Variants in PRMT2 observed in about 807,000 individuals in gnomAD.
PRMT2 encodes protein arginine methyltransferase 2, also known as protein arginine N-methyltransferase 2.
A neutral mutation model predicts 57.6 loss-of-function variants in PRMT2; 26 were observed. That is an observed-to-expected ratio of 0.45 (90% CI 0.33 to 0.63). PRMT2 has a LOEUF of 0.63. PRMT2 is among the 20% of genes least tolerant of loss of function. The pLI, the probability that PRMT2 is intolerant of heterozygous loss-of-function variation, is 0.02. For missense variants in PRMT2, 472 were observed against 564.4 expected (o/e 0.84, Z 1.66); for synonymous variants, 219 against 220.0 (o/e 1.00, Z 0.04).
At chr21:46,655,624 A>G (rs7275592) in intron 7 of PRMT2, among the ~76,000 whole-genome samples, 113,688 of 152,094 alleles carry the variant, frequency 0.75, 42,690 homozygotes, top group East Asian at 0.9. Context: ...TAAAACTAGT[A>G]AGTGAGTTTA....
rs1394618424 is a variant in PRMT2, at chr21:46,648,100, G to A, written c.328-358G>A. Among the ~76,000 whole-genome samples, 1 of 152,100 alleles carries A rather than the reference G, an allele frequency of 6.6e-6. No individual in the cohort carries two copies. Among genetic ancestry groups the A allele is most frequent in the Non-Finnish European group, 1.5e-5 (1 of 68,016 alleles). ...GAATGTTTATGTTAATTTTGGGAGAGCTGACATCTTTATAACATTGACTCT... is the reference window on the plus strand; with the variant it reads ...GAATGTTTATGTTAATTTTGGGAGAACTGACATCTTTATAACATTGACTCT... On this transcript the variant is annotated intron_variant, in intron 5 of 11. Coordinates refer to ENST00000355680, the MANE Select transcript of PRMT2 (RefSeq NM_206962.4). The surrounding 1 kb of genome is among the most constrained non-coding windows in gnomAD (Gnocchi z 4.8).
At chr21:46,660,127 A>G in intron 8 of PRMT2, 1 of 972,788 alleles carries the variant, frequency 1.0e-6, no homozygotes. Flanking sequence ...TTATTAAAAC[A>G]TTCACTTTTA....
chr21:46,637,686 T>C, intron 3 of PRMT2, among the ~76,000 whole-genome samples: 1 of 152,180 alleles, frequency 6.6e-6, no homozygotes, highest in Non-Finnish European at 1.5e-5. Flanking sequence ...TTAACAAATA[T>C]TAGGACATTT....
intron 3 of PRMT2, 122 bp from the exon 4 acceptor site, chr21:46,643,413 A>G (rs2061311806): frequency 7.5e-7 from 1 of 1,327,592 alleles, no homozygotes; most frequent in South Asian, 2.3e-5. Context: ...AATAGTTTGT[A>G]TAATAAATAC....
chr21:46,637,814 A>G (rs977089485), intron 3 of PRMT2, among the ~76,000 whole-genome samples: 2 of 152,222 alleles, frequency 1.3e-5, no homozygotes, highest in East Asian at 3.9e-4. Flanking sequence ...TATGTAAAAA[A>G]TACTGTCGGG....
intron 7 of PRMT2, chr21:46,651,906 C>G: frequency 3.1e-6 from 5 of 1,613,118 alleles, no homozygotes; most frequent in Non-Finnish European, 4.2e-6. Flanking sequence ...TGCACCTGTG[C>G]GTCTGTCCCT....
Position 46,664,373 on chromosome 21 carries a change from G to A in PRMT2, c.*46G>A. On this transcript the variant is annotated 3_prime_UTR_variant, in exon 12 of 12. Coordinates refer to ENST00000355680, the MANE Select transcript of PRMT2 (RefSeq NM_206962.4). ...AAGCAGTGTGCATATCTTGAGGGGT[G>A]ATGAACACAAGCAAACCAAGTTGCA... 1 of 1,613,560 alleles carries A rather than the reference G, an allele frequency of 6.2e-7. No individual in the cohort carries two copies. The highest frequency in any genetic ancestry group is 1.7e-5 in the Admixed American group (1 of 60,026).
chr21:46,648,379 C>T lies in PRMT2; in HGVS notation c.328-79C>T. ...TGGGGTCAGGGGTCATCAGCTGTGG[C>T]TCTGACCCTCCATCTCAGTCCAGAC... On this transcript the variant is annotated intron_variant, in intron 5 of 11. Transcript: ENST00000355680. This position sits in a 1 kb window ranked among gnomAD's most constrained non-coding sequence, Gnocchi z 4.8. 1 of 1,500,426 alleles carries T rather than the reference C, an allele frequency of 6.7e-7. No homozygotes were observed. The highest frequency in any genetic ancestry group is 1.2e-5 in the South Asian group (1 of 81,864). The allele number at this position is 1,500,426 out of a possible 1,614,324, so 92.9% of individuals were successfully genotyped here. A position where few individuals can be genotyped will look rare whatever the true frequency, so the allele number is the denominator to read the frequency against.
At chr21:46,650,017 A>G in intron 7 of PRMT2, 1 of 1,382,384 alleles carries the variant, frequency 7.2e-7, no homozygotes, top group Admixed American at 2.9e-5. Flanking sequence ...ATCTGTAAAA[A>G]TCCTGTGCCT....
intron 4 of PRMT2, among the ~76,000 whole-genome samples, chr21:46,643,850 G>A (rs2061322099): frequency 6.6e-6 from 1 of 152,224 alleles, no homozygotes; most frequent in Admixed American, 6.5e-5. Flanking sequence ...CCCTCAGCCA[G>A]GGGCAGAAGC....
chr21:46,657,998 A>ATTT lies in PRMT2; in HGVS notation c.655-747_655-746insTTT, dbSNP rs2061565118. On this transcript the variant is annotated intron_variant, in intron 7 of 11. Coordinates refer to ENST00000355680, the MANE Select transcript of PRMT2 (RefSeq NM_206962.4). ...CAAAACATGTATTACTTCTGTAATAAAAGCAGCTTGAGATTATTTAAGGAA... is the reference window on the plus strand; with the variant it reads ...CAAAACATGTATTACTTCTGTAATAATTTAAGCAGCTTGAGATTATTTAAGGAA... 7.9e-5 allele frequency: 12 copies of ATTT among 152,340 alleles called. No homozygotes were observed. In the East Asian group the frequency reaches 1.2e-3, roughly 15 times the overall value. The allele number at this position is 152,340 out of a possible 1,614,324, so 9.4% of individuals were successfully genotyped here. A position where few individuals can be genotyped will look rare whatever the true frequency, so the allele number is the denominator to read the frequency against.
chr21:46,655,906 C>T (rs1472582410), intron 7 of PRMT2, among the ~76,000 whole-genome samples: 1 of 152,070 alleles, frequency 6.6e-6, no homozygotes. Context: ...CAATTAGAAT[C>T]CAAGCAGGAT....
intron 7 of PRMT2, chr21:46,653,091 A>C (rs1172971851): frequency 9.6e-7 from 1 of 1,043,860 alleles, no homozygotes; most frequent in Non-Finnish European, 1.2e-6. Context: ...AGGACATATT[A>C]TATTCCGTTA....
At chr21:46,653,721 A>G in intron 7 of PRMT2, 1 of 1,243,996 alleles carries the variant, frequency 8.0e-7, no homozygotes, top group Non-Finnish European at 1.0e-6. Context: ...ACACGCACAC[A>G]CACAAAACCA....
At chr21:46,635,953 A>ACCCTTCCCTGCGTGCCGCAC (rs1207555837) in intron 1 of PRMT2, 190 bp downstream of exon 1, 2 of 151,010 alleles carry the variant, frequency 1.3e-5, no homozygotes, top group Admixed American at 6.6e-5. Context: ...TCCCCGTCAC[A>ACCCTTCCCTGCGTGCCGCAC]CCCTTCCCTG....
rs144072162 is a variant in PRMT2, at chr21:46,653,279, A to G, written c.654+3540A>G. On this transcript the variant is annotated intron_variant, in intron 7 of 11. Transcript: ENST00000355680. ...ATTATCACAAATCCTGAGCTTAACG[A>G]AAGTCTTTATAAGTCAGCTCATGAA... The G allele has an allele frequency of 3.0e-6, 3 of 985,418 alleles. No individual in the cohort carries two copies. The African/African-American group carries it at 5.2e-5, about 17-fold the overall frequency. 61.0% of individuals were successfully genotyped at this position (985,418 alleles called of 1,614,324 possible).
chr21:46,655,013 T>C (rs764814807), intron 7 of PRMT2: 3 of 623,100 alleles, frequency 4.8e-6, no homozygotes, highest in Non-Finnish European at 6.0e-6. Flanking sequence ...ACAGTTCATC[T>C]AACATGAAAT....
At chr21:46,658,948 C>T (rs367656851) in intron 8 of PRMT2, 28 bp downstream of exon 8, 89 of 1,597,696 alleles carry the variant, frequency 5.6e-5, no homozygotes, top group Admixed American at 1.0e-4. Flanking sequence ...GGACTGGCAC[C>T]GTCTTGTGGG....
Position 46,650,003 on chromosome 21 carries a change from G to A in PRMT2, c.654+264G>A, listed in dbSNP as rs183472078. The A allele has an allele frequency of 6.5e-4, 923 of 1,410,268 alleles. 2 individuals carry two copies. The highest frequency in any genetic ancestry group is 4.3e-3 in the South Asian group (279 of 65,368). 87.4% of individuals were successfully genotyped at this position (1,410,268 alleles called of 1,614,324 possible). On this transcript the variant is annotated intron_variant, in intron 7 of 11. Coordinates refer to ENST00000355680, the MANE Select transcript of PRMT2 (RefSeq NM_206962.4). ...GATTTACATGAACTGTGTTCTCCTCGGGGATCTGTAAAAATCCTGTGCCTA... is the reference window on the plus strand; with the variant it reads ...GATTTACATGAACTGTGTTCTCCTCAGGGATCTGTAAAAATCCTGTGCCTA...
Sources: gnomAD v4.1 joint callset for allele counts (sites outside exome capture counted in the v4.1 genomes callset) on GRCh38, gnomAD v4.1.1 for gene constraint, Gnocchi (gnomAD v3.1) non-coding constraint, MANE v1.5 for transcripts, NCBI Gene and HGNC (gene_info 2026-07-23, HGNC 2026-07-21) for gene names.